The following CFAP251 variants were observed in gnomAD, a reference collection of about 807,000 sequenced individuals.
CFAP251 encodes the protein cilia- and flagella-associated protein 251.
A neutral mutation model predicts 126.7 loss-of-function variants in CFAP251; 93 were observed. That is an observed-to-expected ratio of 0.73 (90% CI 0.62 to 0.87). The LOEUF is 0.87. Among genes scored for constraint, CFAP251 ranks in the 40% least tolerant of loss-of-function variants. The pLI is 0.00. For missense variants in CFAP251, 1,287 were observed against 1,389.2 expected (o/e 0.93, Z 1.17); for synonymous variants, 503 against 506.9 (o/e 0.99, Z 0.10).
Position 121,974,398 on chromosome 12 carries a change from G to T in CFAP251, c.2772-846G>T, listed in dbSNP as rs185600975. On this transcript the variant is annotated intron_variant, in intron 17 of 21. Coordinates refer to ENST00000288912, the MANE Select transcript of CFAP251 (RefSeq NM_144668.6). This position sits in a 1 kb window ranked among gnomAD's most constrained non-coding sequence, Gnocchi z 4.6. ...ATTTATTAATTCTTACAACAATGCT[G>T]TGAGGCAGAATCGTCTCATTTTATA... Among the ~76,000 whole-genome samples the T allele has an allele frequency of 1.4e-4, 22 of 152,192 alleles. No homozygotes were observed. Among genetic ancestry groups the T allele is most frequent in the African/African-American group, 5.3e-4 (22 of 41,444 alleles).
At chr12:121,990,865 G>A (rs190357825) in intron 19 of CFAP251, among the ~76,000 whole-genome samples, 235 of 152,314 alleles carry the variant, frequency 1.5e-3, no homozygotes, top group African/African-American at 5.1e-3. Flanking sequence ...CTGTTAGTTC[G>A]CTTTCCTTGT....
At chr12:121,956,814 G>A (rs1881743037) in intron 10 of CFAP251, among the ~76,000 whole-genome samples, 1 of 152,064 alleles carries the variant, frequency 6.6e-6, no homozygotes, top group Admixed American at 6.6e-5. Flanking sequence ...TTTTTTTAAT[G>A]CAAATTTTCA....
chr12:121,967,774 A>C (rs1188334089), intron 16 of CFAP251, among the ~76,000 whole-genome samples: 1 of 152,238 alleles, frequency 6.6e-6, no homozygotes. Flanking sequence ...CCATGAAGGC[A>C]GGGAGGAAAG....
rs1007617993 is a variant in CFAP251 at position 121,940,906 on chromosome 12, CAT to C, written c.999-1627_999-1626del. ...ATACATACACACGCACACACACACACATGATTAGGATGATGCGATTGTTTTGC... is the reference window on the plus strand; with the variant it reads ...ATACATACACACGCACACACACACACGATTAGGATGATGCGATTGTTTTGC... On this transcript the variant is annotated intron_variant, in intron 5 of 21. Coordinates refer to ENST00000288912, the MANE Select transcript of CFAP251 (RefSeq NM_144668.6). 2.2e-4 allele frequency among the ~76,000 whole-genome samples: 33 copies of C among 152,322 alleles called. 1 individual carries two copies. The highest frequency in any genetic ancestry group is 1.9e-3 in the Admixed American group (29 of 15,300).
chr12:121,996,710 T>G (rs929696692), intron 19 of CFAP251, among the ~76,000 whole-genome samples: 1 of 152,160 alleles, frequency 6.6e-6, no homozygotes, highest in Non-Finnish European at 1.5e-5. Context: ...GTCTAAAAGA[T>G]CTCATGGGCT....
intron 3 of CFAP251, among the ~76,000 whole-genome samples, chr12:121,929,196 C>G (rs1880576186): frequency 6.6e-6 from 1 of 151,606 alleles, no homozygotes; most frequent in Non-Finnish European, 1.5e-5. Flanking sequence ...TGGTGCATGC[C>G]TGTAGTCCCA....
At chr12:121,987,250 G>A (rs1049417159) in intron 19 of CFAP251, among the ~76,000 whole-genome samples, 2 of 152,132 alleles carry the variant, frequency 1.3e-5, no homozygotes, top group African/African-American at 2.4e-5. Context: ...GTGGCCCAGT[G>A]TTCTAGGGGA....
intron 19 of CFAP251, chr12:121,992,172 C>T (rs1433563552): frequency 3.1e-6 from 3 of 983,354 alleles, no homozygotes; most frequent in Non-Finnish European, 3.6e-6. Context: ...TCTCTCAAGC[C>T]ATCTTCACAC....
At chr12:121,949,221 T>G in intron 8 of CFAP251, 160 bp downstream of exon 8, 1 of 382,806 alleles carries the variant, frequency 2.6e-6, no homozygotes, top group South Asian at 1.1e-4. Flanking sequence ...TTAGTCCTAT[T>G]AGAAATTAGC....
chr12:121,931,047 C>A (rs572689205), intron 3 of CFAP251, among the ~76,000 whole-genome samples: 3 of 152,082 alleles, frequency 2.0e-5, no homozygotes, highest in Non-Finnish European at 4.4e-5. Flanking sequence ...GGGCTCCCAG[C>A]CTATTTGCCT....
At position 121,977,596 on chromosome 12, in the gene CFAP251, G is replaced by T. The variant is rs1882492400; in HGVS notation, c.3006+1911G>T. Among the ~76,000 whole-genome samples, 4 of 151,702 alleles carry T rather than the reference G, an allele frequency of 2.6e-5. No homozygotes were observed. The South Asian group carries it at 8.3e-4, about 32-fold the overall frequency. On this transcript the variant is annotated intron_variant, in intron 19 of 21. Coordinates refer to ENST00000288912, the MANE Select transcript of CFAP251 (RefSeq NM_144668.6). ...AATCGCTTGAACCCAGGAGGCGGAG[G>T]TTGCAGTGAGCCAAGATCACACCAC... is the stretch of plus-strand genomic sequence containing the variant.
intron 19 of CFAP251, among the ~76,000 whole-genome samples, chr12:121,976,419 G>C (rs574247493): frequency 6.6e-6 from 1 of 152,036 alleles, no homozygotes; most frequent in South Asian, 2.1e-4. Flanking sequence ...TGTTAGTCTC[G>C]CTGTCTAGTT....
At chr12:121,934,139 C>T (rs138447916) in intron 4 of CFAP251, 108 bp from the exon 5 acceptor site, 3 of 753,634 alleles carry the variant, frequency 4.0e-6, no homozygotes, top group African/African-American at 1.8e-5. Flanking sequence ...GCCAGATGAG[C>T]GTTGAAAGGA....
At chr12:121,985,272 G>T (rs540235390) in intron 19 of CFAP251, among the ~76,000 whole-genome samples, 219 of 152,114 alleles carry the variant, frequency 1.4e-3, no homozygotes, top group African/African-American at 5.1e-3. Flanking sequence ...GGAGGCTCAC[G>T]CCTGTAATCC....
chr12:121,963,894 C>T (rs1228109562), intron 15 of CFAP251, among the ~76,000 whole-genome samples: 1 of 151,820 alleles, frequency 6.6e-6, no homozygotes, highest in Non-Finnish European at 1.5e-5. Flanking sequence ...ACCTGGTCAG[C>T]CCTGGAGGGG....
intron 10 of CFAP251, among the ~76,000 whole-genome samples, chr12:121,954,636 TAAAAAAAAA>T (rs1174239421): frequency 9.5e-5 from 4 of 41,980 alleles, no homozygotes; most frequent in African/African-American, 2.0e-4. Flanking sequence ...CCTCCTGTCT[TAAAAAAAAA>T]AAAAAAAAAA....
chr12:121,983,948 G>C (rs989840108), intron 19 of CFAP251, among the ~76,000 whole-genome samples: 2 of 152,170 alleles, frequency 1.3e-5, no homozygotes, highest in Admixed American at 1.3e-4. Context: ...GCTTTACCGT[G>C]GTTAATGAAA....
In CFAP251 at chr12:121,958,333, C is replaced by T. The variant is rs767900406; in HGVS notation, c.1792C>T (p.Leu598Phe). 2 of 1,614,076 alleles carry T rather than the reference C, an allele frequency of 1.2e-6. No homozygotes were observed. Among genetic ancestry groups the T allele is most frequent in the South Asian group, 1.1e-5 (1 of 91,086 alleles). ...CCACTTAACAACAGATGGGACCAAA[C>T]TTGAGAAGTTATTTGTAGAGCCCAA... Reference protein sequence around the residue: ...VYHLTTDGTKLEKLFVEPKDA... With the variant: ...VYHLTTDGTKFEKLFVEPKDA... Residue 598 changes from leucine to phenylalanine, a missense_variant, in exon 12 of 22, where the codon CTT becomes TTT. Transcript: ENST00000288912.
chr12:121,967,166 T>G, intron 16 of CFAP251, 97 bp downstream of exon 16: 96 of 1,190,768 alleles, frequency 8.1e-5, no homozygotes, highest in Non-Finnish European at 1.0e-4. Flanking sequence ...GTTCTGGGTT[T>G]ACAGCCAAGC....
Sources: gnomAD v4.1 joint callset for allele counts (sites outside exome capture counted in the v4.1 genomes callset) on GRCh38, gnomAD v4.1.1 for gene constraint, Gnocchi (gnomAD v3.1) non-coding constraint, MANE v1.5 for transcripts, NCBI Gene and HGNC (gene_info 2026-07-23, HGNC 2026-07-21) for gene names.